PLPPR4: variants seen among roughly 807,000 people sequenced by gnomAD.
PLPPR4 encodes phospholipid phosphatase-related protein type 4.
Under a neutral mutation model 56.6 loss-of-function variants are expected in PLPPR4, and 24 were observed. That is an observed-to-expected ratio of 0.42 (90% CI 0.31 to 0.60). The LOEUF (loss-of-function observed/expected upper bound fraction) is 0.60, where lower values mean the gene tolerates loss of function less well. Among genes scored for constraint, PLPPR4 ranks in the 20% least tolerant of loss-of-function variants. The pLI is 0.13. For missense variants in PLPPR4, 654 were observed against 885.8 expected, an observed-to-expected ratio of 0.74 and a Z score of 3.32; for synonymous variants, 326 against 328.1, an observed-to-expected ratio of 0.99 and a Z score of 0.07.
At position 99,306,864 on chromosome 1, in the gene PLPPR4, G is replaced by C; in HGVS notation, c.2002G>C (p.Glu668Gln). Reference sequence around the variant, plus strand: ...AGTAGAGGGCAGCGAAATTGGCTCAGAGACGCTGTCCATTTCTTCTTCCCG... The same window carrying C: ...AGTAGAGGGCAGCGAAATTGGCTCACAGACGCTGTCCATTTCTTCTTCCCG... ...TPVEGSEIGS[E>Q]TLSISSSRDS... Residue 668 changes from glutamate to glutamine, a missense_variant, in exon 7 of 7, where the codon GAG becomes CAG. Physicochemically the swap from Glu to Gln is conservative, Grantham distance 29. This residue lies in a region of PLPPR4 where 468 missense variants were observed against 554.3 expected (regional missense o/e 0.84). Coordinates refer to ENST00000370185, the MANE Select transcript of PLPPR4 (RefSeq NM_014839.5). The surrounding 1 kb of genome is among the most constrained non-coding windows in gnomAD (Gnocchi z 4.0). The C allele has an allele frequency of 6.2e-7, 1 of 1,614,110 alleles. No individual in the cohort carries two copies. Among genetic ancestry groups the C allele is most frequent in the Middle Eastern group, 1.6e-4 (1 of 6,062 alleles).
At chr1:99,294,231 A>C (rs188011800) in intron 2 of PLPPR4, among the ~76,000 whole-genome samples, 1 of 152,326 alleles carries the variant, frequency 6.6e-6, no homozygotes, top group East Asian at 1.9e-4. Flanking sequence ...AGCTGAGGTT[A>C]AGTGACAGAA....
intron 1 of PLPPR4, among the ~76,000 whole-genome samples, chr1:99,265,230 A>G (rs1658865697): frequency 6.7e-6 from 1 of 149,890 alleles, no homozygotes; most frequent in African/African-American, 2.4e-5. Context: ...CTAAACATCA[A>G]TCATCAATGT....
intron 2 of PLPPR4, among the ~76,000 whole-genome samples, chr1:99,294,869 T>A (rs1379331614): frequency 6.6e-6 from 1 of 152,174 alleles, no homozygotes. Context: ...AGAAAAAAAA[T>A]TATTCACAGA....
upstream of PLPPR4, among the ~76,000 whole-genome samples, chr1:99,263,599 TTCTC>T (rs550836723): frequency 8.4e-4 from 128 of 152,304 alleles, 2 homozygotes; most frequent in South Asian, 3.3e-3. Context: ...TGCTGGGTCT[TTCTC>T]TCTTCTATAT....
chr1:99,298,224 G>C (rs1312791920), intron 3 of PLPPR4, among the ~76,000 whole-genome samples: 2 of 152,074 alleles, frequency 1.3e-5, no homozygotes, highest in African/African-American at 4.8e-5. Context: ...AATGCAAGCT[G>C]TCAAGTCAGA....
chr1:99,281,038 A>AT (rs1441666620), intron 1 of PLPPR4, among the ~76,000 whole-genome samples: 1 of 152,172 alleles, frequency 6.6e-6, no homozygotes, highest in East Asian at 1.9e-4. Flanking sequence ...GAGAATAGAG[A>AT]TTTTTTTAAA....
chr1:99,299,660 T>A (rs1659830855), intron 4 of PLPPR4, among the ~76,000 whole-genome samples: 1 of 152,038 alleles, frequency 6.6e-6, no homozygotes, highest in Non-Finnish European at 1.5e-5. Flanking sequence ...ATTTTCCTTT[T>A]TGTAAAGTTT....
At chr1:99,271,939 T>A (rs1044913364) in intron 1 of PLPPR4, among the ~76,000 whole-genome samples, 7 of 140,640 alleles carry the variant, frequency 5.0e-5, no homozygotes, top group African/African-American at 1.9e-4. Flanking sequence ...TGTGTGTGTG[T>A]GTGTGATGGA....
Position 99,306,494 on chromosome 1 carries a change from C to T in PLPPR4, c.1632C>T (p.Ser544=), listed in dbSNP as rs748791291. 3 of 1,614,020 alleles carry T rather than the reference C, an allele frequency of 1.9e-6. No homozygotes were observed. In the African/African-American group the frequency reaches 4.0e-5, roughly 22 times the overall value. ...AGCAGCAGGGTGTCCTCCAAAGCAG[C>T]CCCAAGAACACTGAAGGCAGCACGG... is the stretch of plus-strand genomic sequence containing the variant. ...MSKQQGVLQS[S]PKNTEGSTVS... is the part of the protein sequence containing the mutation. Residue 544 remains serine, a synonymous_variant, in exon 7 of 7, where the codon AGC becomes AGT. Transcript: ENST00000370185. The surrounding 1 kb of genome is among the most constrained non-coding windows in gnomAD (Gnocchi z 4.0).
chr1:99,277,468 G>A (rs981546621), intron 1 of PLPPR4, among the ~76,000 whole-genome samples: 1 of 152,062 alleles, frequency 6.6e-6, no homozygotes, highest in Non-Finnish European at 1.5e-5. Flanking sequence ...CTTCAATTAG[G>A]GTATGGACAA....
chr1:99,289,133 A>G lies in PLPPR4; in HGVS notation c.264+983A>G, dbSNP rs139292475. Among the ~76,000 whole-genome samples, 589 of 152,230 alleles carry G rather than the reference A, an allele frequency of 3.9e-3. 3 individuals carry two copies. The highest frequency in any genetic ancestry group is 0.013 in the African/African-American group (534 of 41,568). On this transcript the variant is annotated intron_variant, in intron 2 of 6. Transcript: ENST00000370185. ...GAGGACAAGAAACACTTTTCAAGGG[A>G]AATGGTATTTACTTCTACAGTGAAA...
chr1:99,275,186 C>A (rs72978839), intron 1 of PLPPR4, among the ~76,000 whole-genome samples: 2,371 of 152,128 alleles, frequency 0.016, 75 homozygotes, highest in African/African-American at 0.054. Context: ...ATGGCAAAAC[C>A]TGATAAAAAG....
rs1233257959 is a variant in PLPPR4 at position 99,300,899 on chromosome 1, C to G, written c.591-10C>G. The G allele has an allele frequency of 6.2e-7, 1 of 1,610,544 alleles. No individual in the cohort carries two copies. The highest frequency in any genetic ancestry group is 8.5e-7 in the Non-Finnish European group (1 of 1,177,116). On this transcript the variant is annotated splice_polypyrimidine_tract_variant and intron_variant, in intron 4 of 6. Transcript: ENST00000370185. ...CTACAAGGCATAATTTGACTATCTTCTTTTGGCAGAAAGTCCTTCCCTTCT... is the reference window on the plus strand; with the variant it reads ...CTACAAGGCATAATTTGACTATCTTGTTTTGGCAGAAAGTCCTTCCCTTCT...
intron 2 of PLPPR4, among the ~76,000 whole-genome samples, chr1:99,289,205 G>A (rs1268660926): frequency 2.0e-5 from 3 of 152,104 alleles, no homozygotes; most frequent in Non-Finnish European, 4.4e-5. Flanking sequence ...AAAGGAAATG[G>A]CTATTAAATT....
intron 2 of PLPPR4, among the ~76,000 whole-genome samples, chr1:99,294,124 G>A (rs982672523): frequency 4.0e-5 from 6 of 151,120 alleles, no homozygotes; most frequent in African/African-American, 1.5e-4. Context: ...GAAATAAGCT[G>A]GGCATTTGGA....
chr1:99,268,643 G>A (rs540913951), intron 1 of PLPPR4, among the ~76,000 whole-genome samples: 1 of 152,142 alleles, frequency 6.6e-6, no homozygotes. Flanking sequence ...TGAAAAATAC[G>A]ATGATTTTTA....
chr1:99,303,349 G>C (rs1156389871), intron 6 of PLPPR4, among the ~76,000 whole-genome samples: 4 of 152,096 alleles, frequency 2.6e-5, no homozygotes, highest in African/African-American at 4.8e-5. Context: ...GCAGATTTGT[G>C]GGGTAAAGGG....
At chr1:99,266,551 T>A (rs1658904191) in intron 1 of PLPPR4, among the ~76,000 whole-genome samples, 2 of 152,368 alleles carry the variant, frequency 1.3e-5, no homozygotes, top group African/African-American at 4.8e-5. Flanking sequence ...AATTGTTACT[T>A]CTTTTCCATG....
chr1:99,301,448 G>A (rs1031329425), intron 5 of PLPPR4, among the ~76,000 whole-genome samples: 6 of 151,962 alleles, frequency 3.9e-5, no homozygotes, highest in African/African-American at 1.2e-4. Context: ...AAAAATGAGC[G>A]AAATTATACG....
Sources: gnomAD v4.1 joint callset for allele counts (sites outside exome capture counted in the v4.1 genomes callset) on GRCh38, gnomAD v4.1.1 for gene constraint, gnomAD v4.1.1 regional missense constraint, Gnocchi (gnomAD v3.1) non-coding constraint, MANE v1.5 for transcripts, NCBI Gene and HGNC (gene_info 2026-07-23, HGNC 2026-07-21) for gene names.